The following SPON1 variants were observed in gnomAD, a reference collection of about 807,000 sequenced individuals.
The protein encoded by SPON1 is spondin 1, also known as spondin-1.
In SPON1, 52 loss-of-function variants were observed where a neutral mutation model predicts 111.7. The ratio of observed to expected loss-of-function variants is 0.47; its 90% confidence interval spans 0.37 to 0.59. SPON1 has a LOEUF of 0.59. Ranked by LOEUF, SPON1 falls within the 20% of genes least tolerant of loss-of-function variation. The pLI is 0.00. For missense variants in SPON1, 957 were observed against 1,068.5 expected, an observed-to-expected ratio of 0.90 and a Z score of 1.46; for synonymous variants, 410 against 395.8, an observed-to-expected ratio of 1.04 and a Z score of -0.43.
intron 2 of SPON1, among the ~76,000 whole-genome samples, chr11:13,991,049 T>C (rs1284907023): frequency 6.6e-6 from 1 of 152,194 alleles, no homozygotes; most frequent in Non-Finnish European, 1.5e-5. Context: ...AATTAATGTG[T>C]CTTGGGGTTG....
At position 14,265,593 on chromosome 11, in the gene SPON1, G is replaced by A. The variant is rs868925163; in HGVS notation, c.2330G>A (p.Arg777His). The stretch of plus-strand genomic sequence containing the variant: ...CTGTGCGGAGGTGGAATTCAGGAAC[G>A]TTACATGACTGTAAAGAAGAGATTC... ...TKLCGGGIQE[R>H]YMTVKKRFKS... The change falls in exon 16 of 16, where the codon CGT (arginine) becomes CAT (histidine). Residue 777 changes from arginine to histidine, a missense_variant. By Grantham distance (29) the Arg-to-His change is conservative. Around this residue, in one of 5 missense-constraint regions of SPON1, gnomAD observed 549 missense variants for 606.2 expected, o/e 0.91. Transcript: ENST00000576479. 4 of 1,613,726 alleles carry A rather than the reference G, an allele frequency of 2.5e-6. No individual in the cohort carries two copies. Among genetic ancestry groups the A allele is most frequent in the South Asian group, 2.2e-5 (2 of 90,978 alleles).
chr11:14,144,634 CAATAATAATAATAAT>C (rs71041573), intron 6 of SPON1, among the ~76,000 whole-genome samples: 153 of 142,972 alleles, frequency 1.1e-3, no homozygotes, highest in African/African-American at 3.6e-3. Context: ...ACTCCATCTC[CAATAATAATAATAAT>C]AATAATAATA....
At chr11:14,150,186 G>C (rs1847770426) in intron 6 of SPON1, among the ~76,000 whole-genome samples, 1 of 152,118 alleles carries the variant, frequency 6.6e-6, no homozygotes, top group Non-Finnish European at 1.5e-5. Flanking sequence ...AGATGAGCTT[G>C]GTTGACATTT....
At chr11:13,992,610 A>G (rs1399098898) in intron 2 of SPON1, among the ~76,000 whole-genome samples, 3 of 152,152 alleles carry the variant, frequency 2.0e-5, no homozygotes, top group African/African-American at 7.2e-5. Context: ...GGGGTATGGA[A>G]GAAAAGAACT....
intron 3 of SPON1, among the ~76,000 whole-genome samples, chr11:14,074,828 T>C (rs1554921259): frequency 6.6e-6 from 1 of 152,248 alleles, no homozygotes; most frequent in East Asian, 1.9e-4. Flanking sequence ...GTTGTCTTTG[T>C]TCAGAATGTA....
intron 5 of SPON1, among the ~76,000 whole-genome samples, chr11:14,111,139 CT>C (rs1366945620): frequency 1.3e-5 from 2 of 152,172 alleles, no homozygotes; most frequent in Non-Finnish European, 2.9e-5. Context: ...ATTATGCTTC[CT>C]TTAATCTATA....
intron 6 of SPON1, among the ~76,000 whole-genome samples, chr11:14,190,848 C>T (rs782175597): frequency 2.0e-5 from 3 of 151,898 alleles, no homozygotes; most frequent in Non-Finnish European, 4.4e-5. Flanking sequence ...ACCACCTTGA[C>T]CAGGCTGTTC....
chr11:14,084,913 T>C (rs1848993290), intron 5 of SPON1, among the ~76,000 whole-genome samples: 1 of 152,248 alleles, frequency 6.6e-6, no homozygotes, highest in Admixed American at 6.5e-5. Context: ...TGATGAGCTT[T>C]TTTTCATATG....
chr11:14,014,066 G>A (rs1554914018), intron 2 of SPON1, among the ~76,000 whole-genome samples: 1 of 152,194 alleles, frequency 6.6e-6, no homozygotes, highest in African/African-American at 2.4e-5. Context: ...TGGGGGAGAA[G>A]CTCTGTGTGA....
intron 6 of SPON1, among the ~76,000 whole-genome samples, chr11:14,205,337 C>T (rs1441312843): frequency 6.6e-6 from 1 of 152,178 alleles, no homozygotes; most frequent in Non-Finnish European, 1.5e-5. Context: ...CTGTCCTCCT[C>T]CATCTTCCTC....
chr11:14,180,801 C>T (rs1236400304), intron 6 of SPON1, among the ~76,000 whole-genome samples: 2 of 152,218 alleles, frequency 1.3e-5, no homozygotes, highest in South Asian at 2.1e-4. Context: ...GTGACCTCCT[C>T]AAAGGCAGAA....
At chr11:14,243,575 G>A (rs998592842) in intron 7 of SPON1, among the ~76,000 whole-genome samples, 179 bp downstream of exon 7, 1 of 152,200 alleles carries the variant, frequency 6.6e-6, no homozygotes, top group Non-Finnish European at 1.5e-5. Flanking sequence ...TCTCAAGGAT[G>A]CAGGCTCAGG....
At chr11:14,196,836 G>C (rs1848407873) in intron 6 of SPON1, among the ~76,000 whole-genome samples, 1 of 152,160 alleles carries the variant, frequency 6.6e-6, no homozygotes, top group Non-Finnish European at 1.5e-5. Context: ...GATCACTTGA[G>C]ATCAGGAGTT....
At chr11:14,264,919 A>G (rs1157097946) in intron 15 of SPON1, among the ~76,000 whole-genome samples, 1 of 152,236 alleles carries the variant, frequency 6.6e-6, no homozygotes, top group Non-Finnish European at 1.5e-5. Context: ...GGAGTAAGGC[A>G]TAAGAGAAAG....
chr11:14,009,695 A>G (rs1421028397), intron 2 of SPON1, among the ~76,000 whole-genome samples: 3 of 152,208 alleles, frequency 2.0e-5, no homozygotes, highest in Non-Finnish European at 4.4e-5. Context: ...ATTGCTTACA[A>G]TTCTGGAGGC....
intron 7 of SPON1, 110 bp downstream of exon 7, chr11:14,243,506 C>A: frequency 2.2e-6 from 2 of 897,194 alleles, no homozygotes; most frequent in Non-Finnish European, 3.6e-6. Flanking sequence ...AGCACTACTT[C>A]TCAGTTAACA....
At chr11:14,019,852 G>A (rs560475481) in intron 2 of SPON1, among the ~76,000 whole-genome samples, 16 of 152,306 alleles carry the variant, frequency 1.1e-4, no homozygotes, top group Middle Eastern at 3.4e-3. Flanking sequence ...CTAAATAGGA[G>A]AGAAGGAGGA....
intron 6 of SPON1, among the ~76,000 whole-genome samples, chr11:14,199,978 A>G (rs995235422): frequency 3.9e-5 from 6 of 152,174 alleles, no homozygotes; most frequent in Non-Finnish European, 7.3e-5. Flanking sequence ...GTACCCTCAA[A>G]GAGACCATGC....
chr11:14,150,791 A>C (rs1175143707), intron 6 of SPON1, among the ~76,000 whole-genome samples: 1 of 152,230 alleles, frequency 6.6e-6, no homozygotes, highest in Admixed American at 6.5e-5. Flanking sequence ...AGGAAAGTCA[A>C]GTACAGGACA....
Sources: gnomAD v4.1 joint callset for allele counts (sites outside exome capture counted in the v4.1 genomes callset) on GRCh38, gnomAD v4.1.1 for gene constraint, gnomAD v4.1.1 regional missense constraint, MANE v1.5 for transcripts, NCBI Gene and HGNC (gene_info 2026-07-23, HGNC 2026-07-21) for gene names.